The following CAPS2 variants were observed in gnomAD, a reference collection of about 807,000 sequenced individuals.
The protein encoded by CAPS2 is calcyphosin-2.
CAPS2 carries 98 observed loss-of-function variants against 86.5 expected under a neutral mutation model. The ratio of observed to expected loss-of-function variants is 1.13; its 90% CI spans 0.96 to 1.34. CAPS2 has a LOEUF of 1.34. Ranked by LOEUF, CAPS2 falls within the 40% of genes most tolerant of loss-of-function variation. The pLI, the probability that CAPS2 is intolerant of heterozygous loss-of-function variation, is 0.00. For synonymous variants in CAPS2, 210 were observed against 225.1 expected (o/e 0.93, Z 0.60); for missense variants, 729 against 686.8 (o/e 1.06, Z -0.69).
At chr12:75,357,576 A>C (rs2043234328) in intron 1 of CAPS2, among the ~76,000 whole-genome samples, 1 of 152,152 alleles carries the variant, frequency 6.6e-6, no homozygotes. Context: ...AGTGTACATG[A>C]AATATTTAAT....
At chr12:75,354,138 G>C (rs758848752) in intron 1 of CAPS2, among the ~76,000 whole-genome samples, 23 of 133,428 alleles carry the variant, frequency 1.7e-4, no homozygotes, top group Non-Finnish European at 3.1e-4. Flanking sequence ...GGAAGTTCTG[G>C]CCAGAGCAAT....
At chr12:75,313,782 G>A (rs1298629883) in intron 6 of CAPS2, among the ~76,000 whole-genome samples, 1 of 152,112 alleles carries the variant, frequency 6.6e-6, no homozygotes, top group East Asian at 1.9e-4. Flanking sequence ...TAGAAAAAGT[G>A]CTTTATTTAA....
intron 1 of CAPS2, chr12:75,390,348 A>G: frequency 2.2e-6 from 1 of 456,344 alleles, no homozygotes; most frequent in Non-Finnish European, 4.4e-6. Flanking sequence ...AGTGAAAAAG[A>G]TGAATCTTGA....
rs2044277395 is a variant in CAPS2 at position 75,370,304 on chromosome 12, T to C, written c.-395+20534A>G. 20 of 568,530 alleles carry C rather than the reference T, an allele frequency of 3.5e-5. No individual in the cohort carries two copies. The South Asian group carries it at 5.0e-4, about 14-fold the overall frequency. 35.2% of individuals were successfully genotyped at this position (568,530 alleles called of 1,614,324 possible). ...ACTCTTGCCTGATACCTAAATTTAA[T>C]GTTTGTTTTTAACTCAAAAAATGTA... On this transcript the variant is annotated intron_variant, in intron 1 of 5. Transcript: ENST00000551829.
chr12:75,288,666 T>C (rs1051198278), intron 14 of CAPS2, among the ~76,000 whole-genome samples: 1 of 152,250 alleles, frequency 6.6e-6, no homozygotes, highest in Non-Finnish European at 1.5e-5. Flanking sequence ...CATGCAAGAC[T>C]TTAATGTACC....
intron 11 of CAPS2, 132 bp downstream of exon 11, chr12:75,298,555 C>T: frequency 3.1e-6 from 2 of 635,120 alleles, no homozygotes; most frequent in Non-Finnish European, 5.4e-6. Context: ...CATTAGCCCA[C>T]ACAAATGACC....
rs1204117161 is a variant in CAPS2 at position 75,304,785 on chromosome 12, A to G, written c.751T>C (p.Phe251Leu). ...GTTTCATGTAGTGTTCTTTTTCTAA[A>G]TCGAAGAGGTGTCATCTTTGAATCT... The change falls in exon 8 of 17, where the codon TTT becomes CTT. Residue 251 changes from phenylalanine to leucine, a missense_variant. Physicochemically the swap from Phe to Leu is conservative, Grantham distance 22. Transcript: ENST00000393284. 1.9e-6 allele frequency: 3 copies of G among 1,602,452 alleles called. No homozygotes were observed. The African/African-American group carries it at 4.0e-5, about 22-fold the overall frequency.
intron 1 of CAPS2, among the ~76,000 whole-genome samples, chr12:75,376,545 A>C (rs574743108): frequency 6.6e-6 from 1 of 152,196 alleles, no homozygotes; most frequent in Non-Finnish European, 1.5e-5. Flanking sequence ...CTCAGGCAGT[A>C]CAGGGTTAAT....
At chr12:75,349,132 C>T (rs996847361) in intron 1 of CAPS2, among the ~76,000 whole-genome samples, 1 of 152,034 alleles carries the variant, frequency 6.6e-6, no homozygotes, top group African/African-American at 2.4e-5. Context: ...AACACATGCA[C>T]GTGAGGAAAC....
intron 1 of CAPS2, among the ~76,000 whole-genome samples, chr12:75,341,681 C>T (rs1382282089): frequency 6.6e-6 from 1 of 151,364 alleles, no homozygotes; most frequent in African/African-American, 2.4e-5. Flanking sequence ...CTCCTGATCT[C>T]GTGATCCGCC....
upstream of CAPS2, among the ~76,000 whole-genome samples, chr12:75,333,289 TAGAG>T (rs1302520597): frequency 3.3e-5 from 5 of 151,944 alleles, no homozygotes; most frequent in Admixed American, 6.6e-5. Flanking sequence ...GATTTATACA[TAGAG>T]AGAACTTTAC....
chr12:75,304,771 T>C (rs2038241446), exon 8 of CAPS2: 3 of 1,595,074 alleles, frequency 1.9e-6, no homozygotes, highest in East Asian at 4.5e-5. Flanking sequence ...TTTCATGTAG[T>C]GTTCTTTTTC....
At chr12:75,317,165 T>C (rs1366302531) in intron 5 of CAPS2, among the ~76,000 whole-genome samples, 1 of 152,172 alleles carries the variant, frequency 6.6e-6, no homozygotes, top group Non-Finnish European at 1.5e-5. Flanking sequence ...CCTCTCCTAA[T>C]GTAAGTTCCA....
chr12:75,336,582 A>T (rs1384801161), intron 1 of CAPS2, among the ~76,000 whole-genome samples: 1 of 151,812 alleles, frequency 6.6e-6, no homozygotes, highest in East Asian at 1.9e-4. Context: ...TTAGGAAAAT[A>T]AAAGGGCTAA....
At chr12:75,343,692 G>T in intron 1 of CAPS2, 2 of 1,590,544 alleles carry the variant, frequency 1.3e-6, no homozygotes, top group Admixed American at 3.6e-5. Context: ...TTATCTTTCA[G>T]ATTTGGGATA....
chr12:75,381,077 A>C (rs949829540), intron 1 of CAPS2, among the ~76,000 whole-genome samples: 4 of 152,160 alleles, frequency 2.6e-5, no homozygotes, highest in African/African-American at 9.7e-5. Context: ...CTCAACTTGA[A>C]TTGTATCTCC....
chr12:75,343,732 G>T, intron 1 of CAPS2: 1 of 1,612,060 alleles, frequency 6.2e-7, no homozygotes, highest in Non-Finnish European at 8.5e-7. Flanking sequence ...TAAAGCATGG[G>T]CAAACCAGTG....
chr12:75,277,406 A>G, exon 17 of CAPS2: 1 of 974,422 alleles, frequency 1.0e-6, no homozygotes, highest in African/African-American at 1.8e-5. Context: ...TAAGATGTCT[A>G]TAGTTGGATA....
intron 1 of CAPS2, among the ~76,000 whole-genome samples, chr12:75,362,554 T>C (rs1344188441): frequency 1.3e-5 from 2 of 152,202 alleles, no homozygotes; most frequent in African/African-American, 4.8e-5. Context: ...CTACTCATGT[T>C]GTTATGTTTT....
Sources: gnomAD v4.1 joint callset for allele counts (sites outside exome capture counted in the v4.1 genomes callset) on GRCh38, gnomAD v4.1.1 for gene constraint, MANE v1.5 for transcripts, NCBI Gene and HGNC (gene_info 2026-07-23, HGNC 2026-07-21) for gene names.